EHHADH: variants seen among roughly 807,000 people sequenced by gnomAD.
EHHADH encodes the protein peroxisomal bifunctional enzyme.
A neutral mutation model predicts 64.4 loss-of-function variants in EHHADH; 48 were observed. The ratio of observed to expected loss-of-function variants is 0.75; its 90% confidence interval spans 0.59 to 0.95. EHHADH has a LOEUF of 0.95. EHHADH is among the 40% of genes least tolerant of loss of function. The pLI is 0.00. For synonymous variants in EHHADH, 308 were observed against 326.7 expected, an observed-to-expected ratio of 0.94 and a Z score of 0.62; for missense variants, 854 against 876.6, an observed-to-expected ratio of 0.97 and a Z score of 0.33.
chr3:185,193,119 A>C lies in EHHADH; in HGVS notation c.1279T>G (p.Leu427Val). ...GAAAAGAAGTGGGTGCCAATGACCA[A>C]GTGAGGACGATCAGTGGAAGAAGCA... ...EIASSTDRPHLVIGTHFFSPA... is the reference protein window; with the variant it reads ...EIASSTDRPHVVIGTHFFSPA... The change falls in exon 7 of 7, where the codon TTG becomes GTG. Residue 427 changes from leucine to valine, a missense_variant. Coordinates refer to ENST00000231887, the MANE Select transcript of EHHADH (RefSeq NM_001966.4). 1 of 1,613,586 alleles carries C rather than the reference A, an allele frequency of 6.2e-7. No individual in the cohort carries two copies. The highest frequency in any genetic ancestry group is 8.5e-7 in the Non-Finnish European group (1 of 1,179,756).
chr3:185,246,013 A>G (rs1238860836), intron 2 of EHHADH: 1 of 1,393,406 alleles, frequency 7.2e-7, no homozygotes. Context: ...CATCTTCTAG[A>G]GCTTCATCTT....
intron 6 of EHHADH, among the ~76,000 whole-genome samples, chr3:185,196,120 A>G (rs113690279): frequency 1.3e-5 from 2 of 152,230 alleles, no homozygotes; most frequent in Non-Finnish European, 1.5e-5. Flanking sequence ...CTTCCACAGA[A>G]ATGGAATATT....
At chr3:185,221,864 G>T (rs1201673216) in intron 4 of EHHADH, among the ~76,000 whole-genome samples, 4 of 151,660 alleles carry the variant, frequency 2.6e-5, no homozygotes, top group East Asian at 2.0e-4. Context: ...ATGAGCCACC[G>T]TGCCCGGCCC....
intron 2 of EHHADH, among the ~76,000 whole-genome samples, chr3:185,242,081 T>C (rs1719470498): frequency 6.6e-6 from 1 of 152,088 alleles, no homozygotes; most frequent in African/African-American, 2.4e-5. Context: ...CCTTTTAAAA[T>C]AGCTGCAAAA....
At chr3:185,241,107 C>A (rs1479430513) in intron 2 of EHHADH, among the ~76,000 whole-genome samples, 3 of 152,176 alleles carry the variant, frequency 2.0e-5, no homozygotes, top group Non-Finnish European at 4.4e-5. Context: ...AGTCTCCAAT[C>A]TCATCCAGAT....
intron 2 of EHHADH, chr3:185,246,202 T>C: frequency 1.0e-6 from 1 of 978,088 alleles, no homozygotes; most frequent in Non-Finnish European, 1.6e-6. Context: ...TGTTTTTTTT[T>C]CTTTTTCTTT....
In EHHADH at chr3:185,221,220, C is replaced by T. The variant is rs1052923532; in HGVS notation, c.464-2980G>A. On this transcript the variant is annotated intron_variant, in intron 4 of 6. Transcript: ENST00000231887. ...TATACTTTAAGTATCTGTAAACCCT[C>T]AAATTTACAGACTCATTTTACACTA... Among the ~76,000 whole-genome samples, 20 of 152,294 alleles carry T rather than the reference C, an allele frequency of 1.3e-4. 1 individual carries two copies. The highest frequency in any genetic ancestry group is 4.6e-4 in the African/African-American group (19 of 41,566).
chr3:185,192,955 C>T lies in EHHADH; in HGVS notation c.1443G>A (p.Gly481=), dbSNP rs1717945128. The T allele has an allele frequency of 6.2e-7, 1 of 1,614,200 alleles. No homozygotes were observed. The highest frequency in any genetic ancestry group is 8.5e-7 in the Non-Finnish European group (1 of 1,180,022). The change falls in exon 7 of 7, where the codon GGG becomes GGA. Residue 481 remains glycine, a synonymous_variant. Coordinates refer to ENST00000231887, the MANE Select transcript of EHHADH (RefSeq NM_001966.4). ...VVVGNCFGFV[G]NRMLNPYYNQ... is the part of the protein sequence containing the mutation. ...TGTAGTAAGGATTCAACATTCGATT[C>T]CCCACAAATCCAAAACAGTTGCCTA...
In EHHADH at chr3:185,192,934, G is replaced by T. The variant is rs756024894; in HGVS notation, c.1464C>A (p.Tyr488Ter). 2.1e-5 allele frequency: 34 copies of T among 1,613,734 alleles called. No homozygotes were observed. The highest frequency in any genetic ancestry group is 2.7e-5 in the Non-Finnish European group (32 of 1,179,840). The change falls in exon 7 of 7, where the codon TAC (tyrosine) becomes TAA (stop). Residue 488 changes from tyrosine (Y) to a stop codon, truncating the protein, a stop_gained. Coordinates refer to ENST00000231887, the MANE Select transcript of EHHADH (RefSeq NM_001966.4). LOFTEE classifies it high-confidence loss of function. The part of the protein sequence containing the change: ...GFVGNRMLNP[Y>*]YNQAYFLLEE... The stretch of plus-strand genomic sequence containing the variant: ...CTAACAAGAAATATGCCTGATTGTA[G>T]TAAGGATTCAACATTCGATTCCCCA...
chr3:185,234,184 G>A (rs533765815), intron 3 of EHHADH, among the ~76,000 whole-genome samples: 1 of 152,144 alleles, frequency 6.6e-6, no homozygotes, highest in South Asian at 2.1e-4. Flanking sequence ...TATATATACT[G>A]TGATACACAG....
intron 6 of EHHADH, among the ~76,000 whole-genome samples, chr3:185,198,300 C>T (rs1386465693): frequency 6.6e-6 from 1 of 152,034 alleles, no homozygotes; most frequent in Non-Finnish European, 1.5e-5. Flanking sequence ...CTCACTGTAA[C>T]CTCCGCCTCC....
chr3:185,209,306 A>G (rs911735671), intron 5 of EHHADH, among the ~76,000 whole-genome samples: 4 of 152,194 alleles, frequency 2.6e-5, no homozygotes, highest in Non-Finnish European at 5.9e-5. Flanking sequence ...TATATTTTCC[A>G]TATGTATTAT....
intron 2 of EHHADH, chr3:185,245,626 G>C: frequency 1.4e-6 from 1 of 729,170 alleles, no homozygotes; most frequent in Non-Finnish European, 2.5e-6. Flanking sequence ...TGTGACAAGT[G>C]ACATACTCCT....
chr3:185,205,817 G>A (rs1509502), intron 5 of EHHADH, among the ~76,000 whole-genome samples: 140,316 of 152,124 alleles, frequency 0.92, 65,006 homozygotes, highest in African/African-American at 0.98. Flanking sequence ...CAAAGTCTCC[G>A]CAACCAGAGG....
chr3:185,234,807 T>C (rs1045645039), intron 3 of EHHADH, among the ~76,000 whole-genome samples: 2 of 152,218 alleles, frequency 1.3e-5, no homozygotes, highest in Non-Finnish European at 2.9e-5. Context: ...GGAAGTGAAG[T>C]ATTTGAACAT....
Position 185,235,440 on chromosome 3 carries a change from A to C in EHHADH, c.201T>G (p.Ser67Arg), listed in dbSNP as rs1719264588. Reference sequence around the variant, plus strand: ...GTGTAAGGCCAAATGTCCTAGGAGCACTGAAGCCACGAATATCAGCACCTA... The same window carrying C: ...GTGTAAGGCCAAATGTCCTAGGAGCCCTGAAGCCACGAATATCAGCACCTA... ...FSAGADIRGFSAPRTFGLTLG... is the reference protein window; with the variant it reads ...FSAGADIRGFRAPRTFGLTLG... The change falls in exon 3 of 7, where the codon AGT becomes AGG. Residue 67 changes from serine to arginine, a missense_variant. Transcript: ENST00000231887. 6.2e-7 allele frequency: 1 copy of C among 1,611,394 alleles called. No homozygotes were observed. The highest frequency in any genetic ancestry group is 1.3e-5 in the African/African-American group (1 of 74,786).
intron 5 of EHHADH, among the ~76,000 whole-genome samples, 146 bp downstream of exon 5, chr3:185,217,982 GTCTCGATC>G (rs1178313889): frequency 6.6e-6 from 1 of 151,596 alleles, no homozygotes; most frequent in Admixed American, 6.6e-5. Context: ...AGCCAGGATG[GTCTCGATC>G]TCCTGACCTC....
Position 185,229,558 on chromosome 3 carries a change from A to C in EHHADH, c.352-15T>G. ...CCAACTTGAGCCTATCAAAGATTGA[A>C]GGCATAAAGGCCATTAGCATGAGAT... On this transcript the variant is annotated splice_polypyrimidine_tract_variant and intron_variant, in intron 3 of 6. Coordinates refer to ENST00000231887, the MANE Select transcript of EHHADH (RefSeq NM_001966.4). 2 of 1,481,174 alleles carry C rather than the reference A, an allele frequency of 1.4e-6. No individual in the cohort carries two copies. Among genetic ancestry groups the C allele is most frequent in the Non-Finnish European group, 1.8e-6 (2 of 1,094,416 alleles). The allele number at this position is 1,481,174 out of a possible 1,614,324, so 91.8% of individuals were successfully genotyped here. A position where few individuals can be genotyped will look rare whatever the true frequency, so the allele number is the denominator to read the frequency against.
intron 2 of EHHADH, among the ~76,000 whole-genome samples, chr3:185,247,168 G>A (rs908141913): frequency 3.9e-5 from 6 of 152,178 alleles, no homozygotes; most frequent in African/African-American, 1.4e-4. Flanking sequence ...ATGTATTTCA[G>A]AAGAATGTAT....
Sources: allele counts gnomAD v4.1 joint callset (sites outside exome capture counted in the v4.1 genomes callset), GRCh38; gene constraint gnomAD v4.1.1; transcripts MANE v1.5; gene names NCBI Gene and HGNC (gene_info 2026-07-23, HGNC 2026-07-21).